Variants in DLC1 observed in about 807,000 individuals in gnomAD.
DLC1 encodes DLC1 Rho GTPase activating protein.
DLC1 carries 54 observed loss-of-function variants against 140.3 expected under a neutral mutation model. The observed-to-expected ratio is 0.38, with a 90% CI of 0.31 to 0.48. The LOEUF (loss-of-function observed/expected upper bound fraction) is 0.48. DLC1 is among the 20% of genes least tolerant of loss of function. The probability of loss-of-function intolerance (pLI) is 0.96; values close to 1 mark genes in which losing one functional copy is unlikely to be tolerated. For missense variants in DLC1, 2,536 were observed against 1,907.0 expected (o/e 1.33, Z -6.14); for synonymous variants, 986 against 728.1 (o/e 1.35, Z -5.70).
At chr8:13,497,955 C>G (rs1050721710) in intron 2 of DLC1, among the ~76,000 whole-genome samples, 3 of 152,076 alleles carry the variant, frequency 2.0e-5, no homozygotes, top group African/African-American at 7.2e-5. Flanking sequence ...AGTTTGTAAG[C>G]AAAACCACAG....
intron 2 of DLC1, among the ~76,000 whole-genome samples, chr8:13,424,107 C>T (rs1459441148): frequency 3.3e-5 from 5 of 152,230 alleles, no homozygotes; most frequent in African/African-American, 1.2e-4. Flanking sequence ...AAAAACACAG[C>T]AACAGTGTTC....
intron 6 of DLC1, among the ~76,000 whole-genome samples, chr8:13,113,348 A>C (rs1820274915): frequency 1.3e-5 from 2 of 152,186 alleles, no homozygotes; most frequent in Non-Finnish European, 2.9e-5. Context: ...GTGGCAGGAA[A>C]AACGGGGGGA....
chr8:13,543,947 A>C (rs930598104), intron 1 of DLC1, among the ~76,000 whole-genome samples: 8 of 152,084 alleles, frequency 5.3e-5, no homozygotes, highest in Admixed American at 1.3e-4. Flanking sequence ...ACCATTACAC[A>C]GTTCATCCAT....
chr8:13,454,293 G>C (rs1799290239), intron 2 of DLC1, among the ~76,000 whole-genome samples: 1 of 151,708 alleles, frequency 6.6e-6, no homozygotes, highest in African/African-American at 2.4e-5. Context: ...TGAAGAAGCA[G>C]TTGGAAAAAA....
intron 4 of DLC1, among the ~76,000 whole-genome samples, chr8:13,349,334 A>T (rs906552535): frequency 1.3e-5 from 2 of 152,200 alleles, no homozygotes; most frequent in Non-Finnish European, 2.9e-5. Flanking sequence ...TAGAAATCAC[A>T]GAATAAGCAG....
intron 4 of DLC1, among the ~76,000 whole-genome samples, chr8:13,355,745 A>AT (rs774464894): frequency 9.2e-5 from 14 of 152,088 alleles, no homozygotes; most frequent in Non-Finnish European, 1.5e-4. Flanking sequence ...TGGAAAGTAT[A>AT]TTTTTTGGCA....
chr8:13,462,396 C>CTTTTTT (rs869264457), intron 2 of DLC1, among the ~76,000 whole-genome samples: 1 of 131,126 alleles, frequency 7.6e-6, no homozygotes. Context: ...CATTACTATT[C>CTTTTTT]TTTTTTTTTT....
chr8:13,409,737 A>C (rs1837706268), intron 2 of DLC1, among the ~76,000 whole-genome samples: 1 of 152,184 alleles, frequency 6.6e-6, no homozygotes, highest in Non-Finnish European at 1.5e-5. Flanking sequence ...TCTTTGAATG[A>C]ATAAATAGTA....
chr8:13,260,572 C>T (rs943547592), intron 5 of DLC1, among the ~76,000 whole-genome samples: 1 of 151,794 alleles, frequency 6.6e-6, no homozygotes, highest in Non-Finnish European at 1.5e-5. Context: ...GTCCAATAGA[C>T]AGTTGGAAAT....
At position 13,500,014 on chromosome 8, in the gene DLC1, G is replaced by A; in HGVS notation, c.58C>T (p.Gln20Ter). ...TTACGATCATCAGAATTAAAAGGCTGTCCCATCCAGTGGGTCACATGTTCT... is the reference window on the plus strand; with the variant it reads ...TTACGATCATCAGAATTAAAAGGCTATCCCATCCAGTGGGTCACATGTTCT... Reference protein sequence around the residue: ...WEEHVTHWMGQPFNSDDRNTA... With the variant: ...WEEHVTHWMG The change falls in exon 2 of 18, where the codon CAG becomes TAG. Residue 20 changes from glutamine (Q) to a stop codon, truncating the protein, a stop_gained. Coordinates refer to ENST00000276297, the MANE Select transcript of DLC1 (RefSeq NM_182643.3). LOFTEE classifies it high-confidence loss of function. 1 of 1,614,072 alleles carries A rather than the reference G, an allele frequency of 6.2e-7. No individual in the cohort carries two copies. Among genetic ancestry groups the A allele is most frequent in the Non-Finnish European group, 8.5e-7 (1 of 1,179,972 alleles).
intron 5 of DLC1, among the ~76,000 whole-genome samples, chr8:13,295,917 A>G (rs1391357509): frequency 6.7e-6 from 1 of 150,206 alleles, no homozygotes; most frequent in Non-Finnish European, 1.5e-5. Context: ...GAAGACATCT[A>G]AGAGATGATC....
intron 5 of DLC1, among the ~76,000 whole-genome samples, chr8:13,137,625 G>C (rs1351878511): frequency 1.4e-5 from 2 of 145,772 alleles, no homozygotes; most frequent in African/African-American, 5.1e-5. Flanking sequence ...TTTTGAGATG[G>C]AGTTTCACTC....
At chr8:13,246,862 G>C (rs975041036) in intron 5 of DLC1, among the ~76,000 whole-genome samples, 6 of 152,060 alleles carry the variant, frequency 3.9e-5, no homozygotes, top group Admixed American at 2.0e-4. Flanking sequence ...AGTATCATAA[G>C]GCCAATGCAC....
intron 5 of DLC1, among the ~76,000 whole-genome samples, chr8:13,253,978 A>G (rs1830111428): frequency 6.6e-6 from 1 of 152,158 alleles, no homozygotes; most frequent in East Asian, 1.9e-4. Flanking sequence ...CGTTTGGGTG[A>G]ATGTGGTCTC....
At position 13,602,043 on chromosome 8, in the gene DLC1, A is replaced by G. The variant is rs139686769; in HGVS notation, c.-126+2494T>C. Among the ~76,000 whole-genome samples the G allele has an allele frequency of 1.5e-3, 233 of 151,984 alleles. 2 individuals carry two copies. The highest frequency in any genetic ancestry group is 5.2e-3 in the African/African-American group (217 of 41,542). Reference sequence around the variant, plus strand: ...ATTAAGTGCCTCCTGATGGATGAACACAAGGCCAGCTATAAAGTACCCAGC... The same window carrying G: ...ATTAAGTGCCTCCTGATGGATGAACGCAAGGCCAGCTATAAAGTACCCAGC... On this transcript the variant is annotated intron_variant, in intron 1 of 1. Transcript: ENST00000631382.
At chr8:13,345,331 T>C (rs1834278338) in intron 4 of DLC1, among the ~76,000 whole-genome samples, 2 of 151,042 alleles carry the variant, frequency 1.3e-5, no homozygotes, top group Admixed American at 6.6e-5. Flanking sequence ...GTCGATTCAA[T>C]TCCCCTATAG....
Position 13,185,290 on chromosome 8 carries a change from TTG to T in DLC1, c.1349-69635_1349-69634del, listed in dbSNP as rs1491081295. On this transcript the variant is annotated intron_variant, in intron 5 of 17. Transcript: ENST00000276297. ...CCAGTCTGTGTCTTTTCTGTTTTTT[TTG>T]TTTGTTTGTTTGTTTGTTTGTTTGT... 2.6e-3 allele frequency among the ~76,000 whole-genome samples: 197 copies of T among 75,098 alleles called. 2 individuals carry two copies. The highest frequency in any genetic ancestry group is 0.019 in the Admixed American group (150 of 7,830). 49.3% of individuals were successfully genotyped at this position (75,098 alleles called of 152,430 possible). A position where few individuals can be genotyped will look rare whatever the true frequency, so the allele number is the denominator to read the frequency against.
intron 4 of DLC1, among the ~76,000 whole-genome samples, chr8:13,324,647 G>C (rs1332511111): frequency 1.4e-5 from 2 of 145,722 alleles, no homozygotes; most frequent in African/African-American, 5.1e-5. Context: ...TTTCTTCTTT[G>C]TGCTAACCTT....
At chr8:13,351,302 G>T (rs1267996568) in intron 4 of DLC1, among the ~76,000 whole-genome samples, 4 of 152,158 alleles carry the variant, frequency 2.6e-5, no homozygotes, top group African/African-American at 7.2e-5. Flanking sequence ...GAAGCACAAA[G>T]AATTTAAGTA....
Sources: allele counts gnomAD v4.1 joint callset (sites outside exome capture counted in the v4.1 genomes callset), GRCh38; gene constraint gnomAD v4.1.1; transcripts MANE v1.5; gene names NCBI Gene and HGNC (gene_info 2026-07-23, HGNC 2026-07-21).